Variants in CCDC169 observed in about 807,000 individuals in gnomAD.
CCDC169 encodes coiled-coil domain-containing protein 169.
CCDC169 carries 30 observed loss-of-function variants against 36.0 expected under a neutral mutation model. The observed-to-expected ratio is 0.83, with a 90% CI of 0.62 to 1.13. The LOEUF (loss-of-function observed/expected upper bound fraction) is 1.13, where lower values mean the gene tolerates loss of function less well. CCDC169 is among the 50% of genes most tolerant of loss of function. The pLI is 0.00. For synonymous variants in CCDC169, 85 were observed against 81.5 expected, an observed-to-expected ratio of 1.04 and a Z score of -0.23; for missense variants, 245 against 245.9, an observed-to-expected ratio of 1.00 and a Z score of 0.03.
At chr13:36,264,392 G>A (rs1257447174) in intron 4 of CCDC169, among the ~76,000 whole-genome samples, 1 of 151,958 alleles carries the variant, frequency 6.6e-6, no homozygotes, top group Non-Finnish European at 1.5e-5. Flanking sequence ...TATTTAATGA[G>A]AGTGATACAG....
At chr13:36,256,565 G>A (rs917720307) in intron 4 of CCDC169, among the ~76,000 whole-genome samples, 1 of 152,136 alleles carries the variant, frequency 6.6e-6, no homozygotes, top group Non-Finnish European at 1.5e-5. Context: ...TACAATTCAA[G>A]ATGACATTTG....
At chr13:36,238,981 A>C (rs554704465) in intron 7 of CCDC169, among the ~76,000 whole-genome samples, 6 of 152,344 alleles carry the variant, frequency 3.9e-5, no homozygotes, top group African/African-American at 1.4e-4. Context: ...CTGTAATCCC[A>C]GCACTTTAGG....
chr13:36,289,616 T>C (rs1274223296), intron 2 of CCDC169, among the ~76,000 whole-genome samples: 2 of 152,242 alleles, frequency 1.3e-5, no homozygotes, highest in Non-Finnish European at 2.9e-5. Flanking sequence ...CTGCAGGTTT[T>C]TCTTTGCCTT....
intron 7 of CCDC169, 157 bp downstream of exon 7, chr13:36,248,449 A>T: frequency 1.7e-6 from 1 of 595,494 alleles, no homozygotes; most frequent in South Asian, 3.1e-5. Context: ...AGTGGAACAG[A>T]TCACAACTTC....
intron 7 of CCDC169, among the ~76,000 whole-genome samples, chr13:36,242,025 C>T (rs1420902121): frequency 1.3e-5 from 2 of 152,174 alleles, no homozygotes; most frequent in African/African-American, 4.8e-5. Context: ...AAGGCACTTG[C>T]TTCCCCTTCG....
intron 6 of CCDC169, 89 bp from the exon 7 acceptor site, chr13:36,248,771 C>T (rs9315405): frequency 0.47 from 551,921 of 1,184,976 alleles, 130,446 homozygotes; most frequent in Non-Finnish European, 0.49. Flanking sequence ...TTAACTCTCC[C>T]ATAACCAGGT....
intron 4 of CCDC169, among the ~76,000 whole-genome samples, chr13:36,276,205 A>C (rs914415014): frequency 2.0e-5 from 3 of 152,198 alleles, no homozygotes; most frequent in Non-Finnish European, 4.4e-5. Flanking sequence ...TTTACTAAAA[A>C]TTCGCTTTAA....
intron 6 of CCDC169, among the ~76,000 whole-genome samples, chr13:36,249,767 T>A (rs1420331979): frequency 1.3e-5 from 2 of 152,124 alleles, no homozygotes; most frequent in Non-Finnish European, 2.9e-5. Context: ...AGACAGCAGA[T>A]AAGACTGGGG....
At chr13:36,233,201 C>T (rs1870646158) in intron 7 of CCDC169, among the ~76,000 whole-genome samples, 1 of 149,942 alleles carries the variant, frequency 6.7e-6, no homozygotes, top group African/African-American at 2.4e-5. Context: ...CAATCATTAG[C>T]TGACCCCTAA....
chr13:36,247,156 T>C (rs1205200257), intron 7 of CCDC169, among the ~76,000 whole-genome samples: 1 of 152,170 alleles, frequency 6.6e-6, no homozygotes, highest in East Asian at 1.9e-4. Context: ...TATTGAATAT[T>C]TTAAGCCCAG....
chr13:36,293,645 G>T (rs1879160335), intron 2 of CCDC169, among the ~76,000 whole-genome samples: 1 of 152,116 alleles, frequency 6.6e-6, no homozygotes, highest in Non-Finnish European at 1.5e-5. Context: ...GCTGTGAGAA[G>T]AAAAAGGTAC....
rs141873015 is a variant in CCDC169 at position 36,251,231 on chromosome 13, G to C, written c.469-2549C>G. ...ACAGCACACTCAGCAAATAGCTCTA[G>C]TTATCTACCAATGAATCAATTATTT... is the stretch of plus-strand genomic sequence containing the variant. On this transcript the variant is annotated intron_variant, in intron 6 of 7. Transcript: ENST00000239859. Among the ~76,000 whole-genome samples the C allele has an allele frequency of 1.4e-3, 209 of 152,338 alleles. 1 individual carries two copies. Among genetic ancestry groups the C allele is most frequent in the African/African-American group, 4.8e-3 (200 of 41,586 alleles).
chr13:36,248,801 G>C lies in CCDC169; in HGVS notation c.469-119C>G, dbSNP rs745606598. On this transcript the variant is annotated intron_variant, in intron 6 of 7. Coordinates refer to ENST00000239859, the MANE Select transcript of CCDC169 (RefSeq NM_001144981.3). ...CCAGGTTCTTTTGCAGCATGTGTAA[G>C]AGAAGCTGAGAAAAATGGGAAATTC... 3.6e-6 allele frequency: 3 copies of C among 824,830 alleles called. No homozygotes were observed. The Admixed American group carries it at 7.6e-5, about 21-fold the overall frequency. 51.1% of individuals were successfully genotyped at this position (824,830 alleles called of 1,614,324 possible). A position where few individuals can be genotyped will look rare whatever the true frequency, so the allele number is the denominator to read the frequency against.
Position 36,269,235 on chromosome 13 carries a change from C to T in CCDC169, c.315+14234G>A, listed in dbSNP as rs141056436. 8.4e-3 allele frequency among the ~76,000 whole-genome samples: 1,280 copies of T among 152,104 alleles called. 7 individuals carry two copies. The highest frequency in any genetic ancestry group is 0.017 in the Middle Eastern group (5 of 294). On this transcript the variant is annotated intron_variant, in intron 4 of 7. Coordinates refer to ENST00000239859, the MANE Select transcript of CCDC169 (RefSeq NM_001144981.3). Reference sequence around the variant, plus strand: ...AGGTTAAATCAGGAAGAAATGGAAACCCTCAACAGATCAATAATAAGCAAT... The same window carrying T: ...AGGTTAAATCAGGAAGAAATGGAAATCCTCAACAGATCAATAATAAGCAAT...
At chr13:36,243,699 G>A (rs868402092) in intron 7 of CCDC169, among the ~76,000 whole-genome samples, 25 of 152,054 alleles carry the variant, frequency 1.6e-4, no homozygotes, top group Non-Finnish European at 2.6e-4. Context: ...CCAGCTACTC[G>A]GGAGGCTGAG....
chr13:36,259,597 C>T lies in CCDC169; in HGVS notation c.316-5454G>A, dbSNP rs560971463. On this transcript the variant is annotated intron_variant, in intron 4 of 7. Transcript: ENST00000239859. ...ACACTATGCAAATGAAGACAGCCCACGACCAACCAGAGGCTGAAGACATGG... is the reference window on the plus strand; with the variant it reads ...ACACTATGCAAATGAAGACAGCCCATGACCAACCAGAGGCTGAAGACATGG... Among the ~76,000 whole-genome samples, 7 of 152,284 alleles carry T rather than the reference C, an allele frequency of 4.6e-5. No homozygotes were observed. In the South Asian group the frequency reaches 1.0e-3, roughly 23 times the overall value.
intron 1 of CCDC169, among the ~76,000 whole-genome samples, chr13:36,297,323 G>A (rs1436694181): frequency 6.6e-6 from 1 of 151,990 alleles, no homozygotes; most frequent in Non-Finnish European, 1.5e-5. Context: ...AGAAAACCTG[G>A]ATTTATGGAG....
rs368617005 is a variant in CCDC169 at position 36,253,340 on chromosome 13, C to CT, written c.468+462dup. Among the ~76,000 whole-genome samples, 265 of 145,230 alleles carry CT rather than the reference C, an allele frequency of 1.8e-3. 3 individuals carry two copies. Among genetic ancestry groups the CT allele is most frequent in the African/African-American group, 5.6e-3 (221 of 39,320 alleles). On this transcript the variant is annotated intron_variant, in intron 6 of 7. Transcript: ENST00000239859. ...TTGGAAAACTGTTATGTCCTTTTTA[C>CT]TTTTTTTTTTTTTTCTGAGATGGAG... is the stretch of plus-strand genomic sequence containing the variant.
intron 7 of CCDC169, among the ~76,000 whole-genome samples, chr13:36,246,115 CACA>C: frequency 6.6e-6 from 1 of 152,296 alleles, no homozygotes; most frequent in East Asian, 1.9e-4. Context: ...TTCATTGAGA[CACA>C]ACACTATTGA....
Sources: allele counts gnomAD v4.1 joint callset (sites outside exome capture counted in the v4.1 genomes callset), GRCh38; gene constraint gnomAD v4.1.1; transcripts MANE v1.5; gene names NCBI Gene and HGNC (gene_info 2026-07-23, HGNC 2026-07-21).